NPC1: variants seen among roughly 807,000 people sequenced by gnomAD.
The protein encoded by NPC1 is Niemann-Pick C1 protein.
A neutral mutation model predicts 140.4 loss-of-function variants in NPC1; 85 were observed. That is an observed-to-expected ratio of 0.61 (90% CI 0.51 to 0.72). The LOEUF (loss-of-function observed/expected upper bound fraction) is 0.72. Among genes scored for constraint, NPC1 ranks in the 30% least tolerant of loss-of-function variants. The pLI is 0.00. For synonymous variants in NPC1, 656 were observed against 624.8 expected, an observed-to-expected ratio of 1.05 and a Z score of -0.74; for missense variants, 1,504 against 1,623.8, an observed-to-expected ratio of 0.93 and a Z score of 1.27.
chr18:23,512,083 C>T (rs942363581), intron 3 of NPC1, among the ~76,000 whole-genome samples: 2 of 146,474 alleles, frequency 1.4e-5, no homozygotes, highest in Non-Finnish European at 3.0e-5. Flanking sequence ...TGCAATGGTG[C>T]GATCTCGGCT....
At chr18:23,563,958 G>T (rs1175642970) in intron 4 of NPC1, among the ~76,000 whole-genome samples, 1 of 142,908 alleles carries the variant, frequency 7.0e-6, no homozygotes, top group Non-Finnish European at 1.5e-5. Flanking sequence ...TTTTAAATTG[G>T]GTTATTTATT....
In NPC1 at chr18:23,573,399, A is replaced by C. The variant is rs566443420; in HGVS notation, c.180+53T>G. On this transcript the variant is annotated intron_variant, in intron 2 of 24. Transcript: ENST00000269228. The stretch of plus-strand genomic sequence containing the variant: ...AATAACATTTAAGGAATAATTACAG[A>C]GGATCTTGTGATCAGCATTTTGTGT... 8.2e-4 allele frequency: 1,319 copies of C among 1,612,442 alleles called. 21 individuals carry two copies. The South Asian group carries it at 0.014, about 17-fold the overall frequency.
intron 9 of NPC1, among the ~76,000 whole-genome samples, chr18:23,553,306 A>G (rs2058901469): frequency 6.6e-6 from 1 of 152,222 alleles, no homozygotes; most frequent in Non-Finnish European, 1.5e-5. Flanking sequence ...ATTATGTAAC[A>G]TTAAATGTTT....
chr18:23,518,819 C>T (rs576491412), downstream of NPC1: 65 of 1,368,876 alleles, frequency 4.7e-5, no homozygotes, highest in African/African-American at 2.9e-5. Flanking sequence ...TTTACTTAAC[C>T]GTGATGCCAT....
intron 7 of NPC1, among the ~76,000 whole-genome samples, chr18:23,556,914 A>G (rs1262999899): frequency 6.6e-6 from 1 of 152,200 alleles, no homozygotes; most frequent in African/African-American, 2.4e-5. Context: ...CTCCCCAGCT[A>G]TGATTAATTA....
intron 1 of NPC1, 75 bp from the exon 2 acceptor site, chr18:23,573,649 G>A (rs777050300): frequency 1.8e-5 from 28 of 1,576,860 alleles, no homozygotes; most frequent in Non-Finnish European, 2.4e-5. Context: ...GCCCACTCAA[G>A]TACAATCACA....
In NPC1 at chr18:23,540,469, A is replaced by G; in HGVS notation, c.2583T>C (p.Asp861=). 6.2e-7 allele frequency: 1 copy of G among 1,610,220 alleles called. No homozygotes were observed. Among genetic ancestry groups the G allele is most frequent in the Non-Finnish European group, 8.5e-7 (1 of 1,176,806 alleles). Residue 861 remains aspartate, a synonymous_variant, in exon 17 of 25, where the codon GAT becomes GAC. Transcript: ENST00000269228. ...AVLNKVDIGL[D]QSLSMPDDSY... The stretch of plus-strand genomic sequence containing the variant: ...TTACATCTGGCATCGAAAGAGACTG[A>G]TCCAATCCAATATCTACTTTGTTCA...
chr18:23,515,906 T>C (rs765772295), intron 3 of NPC1: 10 of 1,614,146 alleles, frequency 6.2e-6, no homozygotes, highest in South Asian at 5.5e-5. Context: ...ACAATCTCAA[T>C]GTGAATTGGT....
chr18:23,541,092 T>C lies in NPC1; in HGVS notation c.2490A>G (p.Leu830=), dbSNP rs1356141580. The C allele has an allele frequency of 1.9e-6, 3 of 1,614,096 alleles. No individual in the cohort carries two copies. The highest frequency in any genetic ancestry group is 2.5e-6 in the Non-Finnish European group (3 of 1,180,030). Residue 830 remains leucine, a synonymous_variant, in exon 16 of 25, where the codon CTA becomes CTG. Coordinates refer to ENST00000269228, the MANE Select transcript of NPC1 (RefSeq NM_000271.5). ...FFKNSYSPLL[L]KDWMRPIVIA... is the part of the protein sequence containing the mutation. ...CCACAATTGGTCTCATCCAGTCCTT[T>C]AGCAGAAGTGGAGAATAGGAGTTTT...
rs756149557 is a variant in NPC1, at chr18:23,538,534, G to A, written c.3041+8C>T. On this transcript the variant is annotated splice_region_variant and intron_variant, in intron 20 of 24. Transcript: ENST00000269228. ...TGGATGCTTATCTGCAATGGCAGCA[G>A]CACTTACCCTTTGCCACACTTGGGG... The A allele has an allele frequency of 6.2e-6, 10 of 1,614,008 alleles. No homozygotes were observed. The highest frequency in any genetic ancestry group is 1.7e-5 in the Admixed American group (1 of 60,000).
chr18:23,577,883 C>G (rs2059310007), intron 1 of NPC1, among the ~76,000 whole-genome samples: 1 of 152,238 alleles, frequency 6.6e-6, no homozygotes, highest in African/African-American at 2.4e-5. Flanking sequence ...GGTGCTAAGT[C>G]CCCCATTGCC....
chr18:23,531,351 A>G (rs1249497703), downstream of NPC1: 1 of 400,174 alleles, frequency 2.5e-6, no homozygotes, highest in Admixed American at 4.4e-5. Context: ...TAGGATAGGG[A>G]AGGATCAGGG....
chr18:23,536,277 T>C (rs894276145), intron 21 of NPC1, among the ~76,000 whole-genome samples: 12 of 152,126 alleles, frequency 7.9e-5, no homozygotes, highest in Admixed American at 5.9e-4. Context: ...CCCCTAACAA[T>C]ATAAAAAGTC....
intron 19 of NPC1, 123 bp from the exon 20 acceptor site, chr18:23,538,794 T>C: frequency 9.8e-7 from 1 of 1,024,868 alleles, no homozygotes. Flanking sequence ...TCCTTACTAG[T>C]GAGGGATAAT....
At chr18:23,547,807 A>T (rs2058810077) in intron 11 of NPC1, among the ~76,000 whole-genome samples, 199 bp downstream of exon 11, 1 of 152,244 alleles carries the variant, frequency 6.6e-6, no homozygotes, top group South Asian at 2.1e-4. Flanking sequence ...ATTCCTGTGG[A>T]GGGAGAGCTG....
chr18:23,519,255 C>A, downstream of NPC1: 2 of 1,251,916 alleles, frequency 1.6e-6, no homozygotes, highest in Non-Finnish European at 2.3e-6. Context: ...CGGTGGATCA[C>A]GCCTGTAATC....
chr18:23,556,527 G>C lies in NPC1; in HGVS notation c.1042C>G (p.Arg348Gly). 1 of 1,614,072 alleles carries C rather than the reference G, an allele frequency of 6.2e-7. No homozygotes were observed. Among genetic ancestry groups the C allele is most frequent in the Non-Finnish European group, 8.5e-7 (1 of 1,179,998 alleles). ...LFTRWGSFCV[R>G]NPGCVIFFSL... Reference sequence around the variant, plus strand: ...AAGAAAATGACACAGCCAGGGTTTCGGACGCAGAAAGACCCCCAGCGTGTG... The same window carrying C: ...AAGAAAATGACACAGCCAGGGTTTCCGACGCAGAAAGACCCCCAGCGTGTG... The change falls in exon 8 of 25, where the codon CGA becomes GGA. Residue 348 changes from arginine (R) to glycine (G), a missense_variant. By Grantham distance (125) the Arg-to-Gly change is moderately radical (BLOSUM62 -2). Coordinates refer to ENST00000269228, the MANE Select transcript of NPC1 (RefSeq NM_000271.5).
downstream of NPC1, chr18:23,529,999 G>T (rs1414451466): frequency 2.5e-6 from 4 of 1,574,204 alleles, no homozygotes; most frequent in Non-Finnish European, 3.5e-6. Context: ...ATTTGGAAGT[G>T]TTCTTTCACT....
chr18:23,541,015 G>GTGA, intron 16 of NPC1, 53 bp downstream of exon 16: 1 of 1,595,540 alleles, frequency 6.3e-7, no homozygotes, highest in Non-Finnish European at 8.6e-7. Context: ...TAGAAGGCAT[G>GTGA]TGATAATCTG....
Sources: gnomAD v4.1 joint callset for allele counts (sites outside exome capture counted in the v4.1 genomes callset) on GRCh38, gnomAD v4.1.1 for gene constraint, MANE v1.5 for transcripts, NCBI Gene and HGNC (gene_info 2026-07-23, HGNC 2026-07-21) for gene names.